SETD9: variants seen among roughly 807,000 people sequenced by gnomAD.
SETD9 encodes the protein SET domain-containing protein 9.
SETD9 carries 37 observed loss-of-function variants against 36.4 expected under a neutral mutation model. The ratio of observed to expected loss-of-function variants is 1.02; its 90% confidence interval spans 0.78 to 1.34. The LOEUF is 1.34. Among genes scored for constraint, SETD9 ranks in the 40% most tolerant of loss-of-function variants. The pLI is 0.00. For synonymous variants in SETD9, 128 were observed against 132.9 expected (o/e 0.96, Z 0.26); for missense variants, 323 against 353.2 (o/e 0.91, Z 0.69).
rs200145257 is a variant in SETD9, at chr5:56,913,893, C to T, written c.610C>T (p.Arg204Ter). The T allele has an allele frequency of 2.7e-5, 43 of 1,611,448 alleles. No individual in the cohort carries two copies. The highest frequency in any genetic ancestry group is 1.6e-4 in the East Asian group (7 of 44,848). ...TTTCAGATCTTGCAATGGGAGGGAT[C>T]GACTCGGCCCTTTAAAAATGAGTGA... ...VVYRSCNGRDRLGPLKMSDST... is the reference protein window; with the variant it reads ...VVYRSCNGRD The change falls in exon 4 of 6, where the codon CGA becomes TGA. Residue 204 changes from arginine (R) to a stop codon, truncating the protein, a stop_gained. Coordinates refer to ENST00000285947, the MANE Select transcript of SETD9 (RefSeq NM_153706.4). LOFTEE classifies it high-confidence loss of function.
intron 1 of SETD9, chr5:56,910,335 C>T (rs1749050178): frequency 3.1e-6 from 4 of 1,304,266 alleles, no homozygotes; most frequent in Non-Finnish European, 4.0e-6. Flanking sequence ...GTAGCTCGCG[C>T]GTTAAGAACG....
chr5:56,926,899 A>G (rs1263364693), downstream of SETD9, among the ~76,000 whole-genome samples: 1 of 152,160 alleles, frequency 6.6e-6, no homozygotes, highest in African/African-American at 2.4e-5. Context: ...AAAAAGAATG[A>G]GCTATCAAGC....
downstream of SETD9, chr5:56,920,015 T>C (rs1749594068): frequency 6.6e-6 from 1 of 152,644 alleles, no homozygotes; most frequent in Admixed American, 6.5e-5. Flanking sequence ...GTCAGGTTTA[T>C]TTGTTAGTTT....
chr5:56,913,199 G>A, intron 3 of SETD9, 65 bp downstream of exon 3: 1 of 1,528,556 alleles, frequency 6.5e-7, no homozygotes. Context: ...CAATGATTAT[G>A]ACTAATAGCA....
chr5:56,916,155 AG>A (rs893986338), intron 5 of SETD9, among the ~76,000 whole-genome samples: 11 of 152,292 alleles, frequency 7.2e-5, no homozygotes, highest in African/African-American at 2.6e-4. Context: ...GCACTTTGGG[AG>A]GCCGAGGCGG....
downstream of SETD9, among the ~76,000 whole-genome samples, chr5:56,926,586 C>T (rs1421507363): frequency 3.3e-5 from 5 of 152,078 alleles, no homozygotes; most frequent in South Asian, 4.1e-4. Context: ...ACTGACACCA[C>T]GAAATGCTGG....
downstream of SETD9, chr5:56,920,538 T>C (rs1486964178): frequency 6.6e-6 from 1 of 152,584 alleles, no homozygotes; most frequent in Non-Finnish European, 1.5e-5. Flanking sequence ...CTTCACATGA[T>C]TGCAAATCCG....
At chr5:56,915,636 T>C (rs1319041470) in intron 5 of SETD9, among the ~76,000 whole-genome samples, 1 of 152,196 alleles carries the variant, frequency 6.6e-6, no homozygotes, top group Non-Finnish European at 1.5e-5. Context: ...CCTTCTAAGA[T>C]GAATGACATT....
upstream of SETD9, chr5:56,909,374 C>T: frequency 2.8e-6 from 1 of 355,386 alleles, no homozygotes; most frequent in Non-Finnish European, 5.1e-6. Context: ...CGCTTGTGTG[C>T]GCCCACGGAA....
downstream of SETD9, chr5:56,927,748 T>A (rs1317538345): frequency 6.6e-6 from 1 of 152,122 alleles, no homozygotes; most frequent in Non-Finnish European, 1.5e-5. Context: ...TACATTAGGG[T>A]TTACTCTTGA....
chr5:56,916,817 C>T lies in SETD9; in HGVS notation c.815C>T (p.Pro272Leu). ...TTTGTATATCTTTTTGTTTTCAGCC[C>T]ACTTCGATGTGTTGTTCTTGTCGCA... ...NIAYSYDKQS[P>L]LRCVVLVALR... Residue 272 changes from proline to leucine, a missense_variant and splice_region_variant, in exon 6 of 6, where the codon CCA (proline) becomes CTA (leucine). By Grantham distance (98) the Pro-to-Leu change is moderately conservative. Transcript: ENST00000285947. The T allele has an allele frequency of 6.2e-7, 1 of 1,600,310 alleles. No individual in the cohort carries two copies. Among genetic ancestry groups the T allele is most frequent in the Non-Finnish European group, 8.5e-7 (1 of 1,175,386 alleles).
chr5:56,925,162 T>C (rs537716270), intron 5 of SETD9, among the ~76,000 whole-genome samples: 1 of 152,206 alleles, frequency 6.6e-6, no homozygotes, highest in Non-Finnish European at 1.5e-5. Flanking sequence ...AAAAATGTCT[T>C]AAATTATACG....
chr5:56,917,364 ATAATG>A (rs1283729164), downstream of SETD9: 5 of 964,840 alleles, frequency 5.2e-6, no homozygotes, highest in Non-Finnish European at 3.7e-6. Flanking sequence ...GTGTCTATGT[ATAATG>A]TAAAGATTGC....
chr5:56,919,082 G>GT (rs1457899442), downstream of SETD9, among the ~76,000 whole-genome samples: 1 of 148,794 alleles, frequency 6.7e-6, no homozygotes, highest in Non-Finnish European at 1.5e-5. Flanking sequence ...CATAATAAAT[G>GT]TTTCCTGAAT....
intron 5 of SETD9, chr5:56,923,110 C>G (rs1339096334): frequency 6.2e-7 from 1 of 1,607,138 alleles, no homozygotes; most frequent in Non-Finnish European, 8.5e-7. Flanking sequence ...ACACGCAGTT[C>G]CGGGATCCTC....
At chr5:56,917,531 G>A (rs753943502), downstream of SETD9, among the ~76,000 whole-genome samples, 4 of 152,166 alleles carry the variant, frequency 2.6e-5, no homozygotes, top group Non-Finnish European at 4.4e-5. Flanking sequence ...TCATGTGGAG[G>A]GCTTCCACTG....
At chr5:56,910,584 A>C (rs1008373266) in intron 1 of SETD9, 14 of 342,352 alleles carry the variant, frequency 4.1e-5, no homozygotes, top group Admixed American at 8.9e-5. Flanking sequence ...GGCGGGAATT[A>C]CAACCTTTTT....
upstream of SETD9, chr5:56,909,556 C>A: frequency 2.0e-6 from 2 of 981,538 alleles, no homozygotes; most frequent in Non-Finnish European, 2.9e-6. Context: ...GGCGGCCGAG[C>A]GCGGCCCCCT....
At chr5:56,925,359 T>G (rs1749913756) in exon 6 of SETD9, 2 of 453,892 alleles carry the variant, frequency 4.4e-6, no homozygotes, top group African/African-American at 4.0e-5. Context: ...CGTAGAAAAC[T>G]CCAAAGAATC....
Sources: gnomAD v4.1 joint callset for allele counts (sites outside exome capture counted in the v4.1 genomes callset) on GRCh38, gnomAD v4.1.1 for gene constraint, MANE v1.5 for transcripts, NCBI Gene and HGNC (gene_info 2026-07-23, HGNC 2026-07-21) for gene names.